TBC1D22A: variants seen among roughly 807,000 people sequenced by gnomAD.
TBC1D22A encodes TBC1 domain family member 22A, also known as putative GTPase activator.
A neutral mutation model predicts 60.2 loss-of-function variants in TBC1D22A; 38 were observed. The observed-to-expected ratio is 0.63, with a 90% CI of 0.49 to 0.83. The LOEUF (loss-of-function observed/expected upper bound fraction) is 0.83, where lower values mean the gene tolerates loss of function less well. TBC1D22A is among the 40% of genes least tolerant of loss of function. TBC1D22A has a pLI of 0.00. For synonymous variants in TBC1D22A, 302 were observed against 281.7 expected, an observed-to-expected ratio of 1.07 and a Z score of -0.72; for missense variants, 628 against 701.0, an observed-to-expected ratio of 0.90 and a Z score of 1.18.
intron 4 of TBC1D22A, among the ~76,000 whole-genome samples, chr22:46,833,013 A>G (rs971914534): frequency 2.6e-5 from 4 of 152,220 alleles, no homozygotes; most frequent in African/African-American, 9.6e-5. Flanking sequence ...CAAAGCATGT[A>G]TGCATTCTGA....
intron 10 of TBC1D22A, among the ~76,000 whole-genome samples, chr22:47,025,817 G>GT (rs1489123160): frequency 6.6e-6 from 1 of 152,174 alleles, no homozygotes; most frequent in African/African-American, 2.4e-5. Flanking sequence ...AGTACTGAGT[G>GT]TGTCAGACGA....
intron 12 of TBC1D22A, among the ~76,000 whole-genome samples, chr22:47,114,142 G>A (rs540282915): frequency 9.4e-4 from 143 of 152,290 alleles, no homozygotes; most frequent in African/African-American, 3.3e-3. Flanking sequence ...AGGGTGCAGC[G>A]TGGGCAGCTG....
chr22:47,099,603 A>G (rs1338811660), intron 11 of TBC1D22A, among the ~76,000 whole-genome samples: 2 of 151,772 alleles, frequency 1.3e-5, no homozygotes, highest in East Asian at 3.9e-4. Flanking sequence ...GTGCCACCAC[A>G]CCCAGCTAAT....
At chr22:46,792,449 G>A (rs999222104) in intron 1 of TBC1D22A, 71 bp from the exon 2 acceptor site, 42 of 1,606,182 alleles carry the variant, frequency 2.6e-5, no homozygotes, top group Non-Finnish European at 3.2e-5. Flanking sequence ...CCCACCTTTC[G>A]GCTGAGCTGG....
At chr22:47,121,579 A>G (rs2066272541) in intron 12 of TBC1D22A, among the ~76,000 whole-genome samples, 1 of 152,240 alleles carries the variant, frequency 6.6e-6, no homozygotes, top group African/African-American at 2.4e-5. Context: ...TATGTAATAC[A>G]GATAAAAATG....
intron 10 of TBC1D22A, among the ~76,000 whole-genome samples, chr22:47,014,773 C>T (rs906978085): frequency 7.0e-5 from 10 of 142,072 alleles, no homozygotes; most frequent in African/African-American, 1.0e-4. Context: ...AGGGCTCCAG[C>T]GCGGCCTGTG....
At chr22:47,066,619 G>A (rs1015355889) in intron 11 of TBC1D22A, among the ~76,000 whole-genome samples, 5 of 152,190 alleles carry the variant, frequency 3.3e-5, no homozygotes, top group South Asian at 2.1e-4. Flanking sequence ...AAAGCACAGC[G>A]TTAACAGAGT....
chr22:46,910,492 A>G (rs1004127803), intron 7 of TBC1D22A, among the ~76,000 whole-genome samples: 1 of 152,076 alleles, frequency 6.6e-6, no homozygotes, highest in African/African-American at 2.4e-5. Context: ...GATGTAATTC[A>G]TCCATCTGTC....
chr22:47,161,291 T>G (rs780495580), intron 12 of TBC1D22A, among the ~76,000 whole-genome samples: 1 of 151,988 alleles, frequency 6.6e-6, no homozygotes, highest in Non-Finnish European at 1.5e-5. Context: ...CTGGCGACTG[T>G]CGGGGGCGGT....
chr22:46,801,335 A>G (rs1183336392), intron 4 of TBC1D22A, among the ~76,000 whole-genome samples: 3 of 152,272 alleles, frequency 2.0e-5, no homozygotes, highest in African/African-American at 7.2e-5. Context: ...GTAAGTGGCA[A>G]ATATTTGCCA....
At chr22:46,816,531 T>C (rs1330706079) in intron 4 of TBC1D22A, among the ~76,000 whole-genome samples, 2 of 152,246 alleles carry the variant, frequency 1.3e-5, no homozygotes, top group African/African-American at 2.4e-5. Flanking sequence ...AGCCCAAGAA[T>C]AGTACCATCT....
At chr22:47,156,441 A>C (rs957742248) in intron 12 of TBC1D22A, among the ~76,000 whole-genome samples, 2 of 152,060 alleles carry the variant, frequency 1.3e-5, no homozygotes, top group Admixed American at 1.3e-4. Flanking sequence ...CTTGACCCTG[A>C]GCTGTCGCTA....
intron 11 of TBC1D22A, among the ~76,000 whole-genome samples, chr22:47,045,600 G>C (rs1289418161): frequency 6.6e-6 from 1 of 152,258 alleles, no homozygotes. Context: ...AGAACGGGCA[G>C]TGTTGTTAGC....
At chr22:46,976,246 G>A (rs1191741356) in intron 9 of TBC1D22A, among the ~76,000 whole-genome samples, 1 of 152,202 alleles carries the variant, frequency 6.6e-6, no homozygotes, top group Non-Finnish European at 1.5e-5. Flanking sequence ...GTGGTCTGAT[G>A]CAATGGTTTA....
chr22:47,092,517 C>G (rs1263086454), intron 11 of TBC1D22A, among the ~76,000 whole-genome samples: 1 of 152,134 alleles, frequency 6.6e-6, no homozygotes, highest in Non-Finnish European at 1.5e-5. Flanking sequence ...CATGCATGCC[C>G]TGGGAGCAGA....
At position 46,926,940 on chromosome 22, in the gene TBC1D22A, T is replaced by C. The variant is rs938922646; in HGVS notation, c.1015+14752T>C. Among the ~76,000 whole-genome samples the C allele has an allele frequency of 2.6e-5, 4 of 152,316 alleles. No individual in the cohort carries two copies. The East Asian group carries it at 7.7e-4, about 29-fold the overall frequency. On this transcript the variant is annotated intron_variant, in intron 8 of 12. Coordinates refer to ENST00000337137, the MANE Select transcript of TBC1D22A (RefSeq NM_014346.5). ...ATGTTAACTTGTTATTAATTAGTAT[T>C]AATTATTGAAACAATAATTTCAAAA...
At chr22:46,806,888 GGTTTGCTGATATGAGGAGGGGAA>G (rs2085166181) in intron 4 of TBC1D22A, among the ~76,000 whole-genome samples, 2 of 152,232 alleles carry the variant, frequency 1.3e-5, no homozygotes. Context: ...TATGGAATTG[GGTTTGCTGATATGAGGAGGGGAA>G]GTTCAACCTC....
At chr22:46,851,799 C>T (rs1489918298) in intron 4 of TBC1D22A, among the ~76,000 whole-genome samples, 3 of 152,200 alleles carry the variant, frequency 2.0e-5, no homozygotes, top group Admixed American at 6.5e-5. Context: ...GGAAGGGGTA[C>T]ACGGCTCAGC....
At chr22:47,079,692 A>T (rs533448411) in intron 11 of TBC1D22A, among the ~76,000 whole-genome samples, 1 of 152,364 alleles carries the variant, frequency 6.6e-6, no homozygotes, top group South Asian at 2.1e-4. Context: ...TATTTGATTG[A>T]TCCGAAAGAG....
Sources: allele counts gnomAD v4.1 joint callset (sites outside exome capture counted in the v4.1 genomes callset), GRCh38; gene constraint gnomAD v4.1.1; transcripts MANE v1.5; gene names NCBI Gene and HGNC (gene_info 2026-07-23, HGNC 2026-07-21).